CORO1C: variants seen among roughly 807,000 people sequenced by gnomAD.
CORO1C encodes coronin 1C.
In CORO1C, 14 loss-of-function variants were observed where a neutral mutation model predicts 51.2. That is an observed-to-expected ratio of 0.27 (90% CI 0.18 to 0.43). CORO1C has a LOEUF of 0.43. Ranked by LOEUF, CORO1C falls within the 20% of genes least tolerant of loss-of-function variation. The pLI is 1.00. For missense variants in CORO1C, 417 were observed against 607.8 expected (o/e 0.69, Z 3.30); for synonymous variants, 181 against 210.5 (o/e 0.86, Z 1.21).
intron 1 of CORO1C, among the ~76,000 whole-genome samples, chr12:108,708,787 G>A (rs1480049960): frequency 6.6e-6 from 1 of 151,774 alleles, no homozygotes. Flanking sequence ...TAGAGACAGA[G>A]TCTCACTCTG....
intron 4 of CORO1C, among the ~76,000 whole-genome samples, chr12:108,661,603 A>T (rs547819104): frequency 1.3e-5 from 2 of 152,256 alleles, no homozygotes; most frequent in African/African-American, 4.8e-5. Context: ...GGGGAAAATC[A>T]AAGTTTTCTT....
chr12:108,713,783 C>T (rs1212812171), intron 1 of CORO1C, among the ~76,000 whole-genome samples: 4 of 152,218 alleles, frequency 2.6e-5, no homozygotes, highest in Admixed American at 2.0e-4. Flanking sequence ...CAATCAATCC[C>T]GAATCATATA....
chr12:108,723,165 C>T (rs1000144378), intron 1 of CORO1C, among the ~76,000 whole-genome samples: 1 of 152,194 alleles, frequency 6.6e-6, no homozygotes, highest in Non-Finnish European at 1.5e-5. Context: ...CACCATCTAG[C>T]TTCCAAAGTG....
chr12:108,727,884 T>C (rs1035933073), intron 1 of CORO1C, among the ~76,000 whole-genome samples: 7 of 152,192 alleles, frequency 4.6e-5, no homozygotes, highest in Admixed American at 2.6e-4. Flanking sequence ...GAACAACTTT[T>C]ATAACACCAA....
intron 3 of CORO1C, among the ~76,000 whole-genome samples, chr12:108,676,771 C>CA (rs770920855): frequency 0.33 from 39,412 of 120,554 alleles, 6,552 homozygotes; most frequent in South Asian, 0.48. Flanking sequence ...GACTCCATCC[C>CA]AAAAAAAAAA....
At chr12:108,668,565 A>C (rs1410251809) in intron 3 of CORO1C, 1 of 152,240 alleles carries the variant, frequency 6.6e-6, no homozygotes, top group East Asian at 1.9e-4. Context: ...AAAATGGATT[A>C]GATAGGGTAT....
At chr12:108,704,733 G>T (rs555655946) in intron 1 of CORO1C, among the ~76,000 whole-genome samples, 1 of 152,178 alleles carries the variant, frequency 6.6e-6, no homozygotes, top group Non-Finnish European at 1.5e-5. Context: ...TGGCATAGCC[G>T]CTTTTCTTGC....
chr12:108,716,348 A>G (rs919591629), intron 1 of CORO1C, among the ~76,000 whole-genome samples: 1 of 152,148 alleles, frequency 6.6e-6, no homozygotes, highest in Admixed American at 6.5e-5. Context: ...AAATGAAATT[A>G]CTGGATGCTC....
At chr12:108,685,475 T>A (rs971003220) in intron 2 of CORO1C, among the ~76,000 whole-genome samples, 5 of 152,106 alleles carry the variant, frequency 3.3e-5, no homozygotes, top group African/African-American at 1.2e-4. Context: ...ACCTTTAAGA[T>A]GTGGGAATCT....
intron 2 of CORO1C, among the ~76,000 whole-genome samples, chr12:108,688,462 C>T (rs2136846977): frequency 1.3e-5 from 2 of 152,288 alleles, no homozygotes; most frequent in South Asian, 4.1e-4. Flanking sequence ...TCTCGAAATT[C>T]AACATTGGGA....
chr12:108,667,975 A>G lies in CORO1C; in HGVS notation c.319-5817T>C, dbSNP rs574002109. 7.9e-5 allele frequency among the ~76,000 whole-genome samples: 12 copies of G among 152,342 alleles called. 1 individual carries two copies. The highest frequency in any genetic ancestry group is 2.9e-4 in the African/African-American group (12 of 41,568). ...AGTTAAATAGTTTTATTTTTCAAAT[A>G]CTGCTTTCCAGACACTGCTTCCCTA... On this transcript the variant is annotated intron_variant, in intron 3 of 10. Transcript: ENST00000261401.
intron 3 of CORO1C, among the ~76,000 whole-genome samples, chr12:108,672,900 G>A (rs758419782): frequency 2.0e-5 from 3 of 152,188 alleles, no homozygotes; most frequent in East Asian, 1.9e-4. Flanking sequence ...ATCGATAAAC[G>A]CTGTGTGTTT....
intron 2 of CORO1C, among the ~76,000 whole-genome samples, chr12:108,684,571 T>C (rs1253639552): frequency 6.6e-6 from 1 of 152,062 alleles, no homozygotes; most frequent in East Asian, 1.9e-4. Context: ...GCACGCGAAA[T>C]AAAAGTACAT....
intron 3 of CORO1C, among the ~76,000 whole-genome samples, chr12:108,676,498 G>T (rs1047647987): frequency 6.6e-6 from 1 of 152,108 alleles, no homozygotes; most frequent in Non-Finnish European, 1.5e-5. Flanking sequence ...AGAGTTAGGC[G>T]CAGTGGCTCG....
intron 3 of CORO1C, among the ~76,000 whole-genome samples, chr12:108,668,145 G>A (rs551479716): frequency 8.5e-4 from 129 of 152,208 alleles, no homozygotes; most frequent in Non-Finnish European, 1.5e-3. Context: ...TGAGACAGGA[G>A]AAAGCTTAAA....
intron 7 of CORO1C, 117 bp from the exon 8 acceptor site, chr12:108,652,534 C>T (rs2098551715): frequency 2.7e-6 from 2 of 740,390 alleles, no homozygotes; most frequent in South Asian, 3.5e-5. Context: ...CAGTAGCTGA[C>T]CTTTTCTTCC....
chr12:108,712,219 G>A (rs962294141), intron 1 of CORO1C, among the ~76,000 whole-genome samples: 1 of 152,156 alleles, frequency 6.6e-6, no homozygotes, highest in African/African-American at 2.4e-5. Flanking sequence ...AGCAGATGAG[G>A]AGACAAATAT....
chr12:108,720,600 T>C (rs1322481972), intron 1 of CORO1C, among the ~76,000 whole-genome samples: 2 of 152,106 alleles, frequency 1.3e-5, no homozygotes, highest in Admixed American at 1.3e-4. Flanking sequence ...CTCAGTTCAC[T>C]GCAAGCTCTG....
In CORO1C at chr12:108,654,300, G is replaced by A. The variant is rs771031880; in HGVS notation, c.855+6C>T. On this transcript the variant is annotated splice_donor_region_variant and intron_variant, in intron 7 of 10. Coordinates refer to ENST00000261401, the MANE Select transcript of CORO1C (RefSeq NM_014325.4). ...TTTAACACCAAACATCAAAATTACT[G>A]TTTACCTTTCCACATAAGTAAATGA... 3.8e-6 allele frequency: 6 copies of A among 1,576,584 alleles called. No homozygotes were observed. The South Asian group carries it at 6.7e-5, about 18-fold the overall frequency.
Sources: allele counts gnomAD v4.1 joint callset (sites outside exome capture counted in the v4.1 genomes callset), GRCh38; gene constraint gnomAD v4.1.1; transcripts MANE v1.5; gene names NCBI Gene and HGNC (gene_info 2026-07-23, HGNC 2026-07-21).